Variants in ZBTB20 observed in about 807,000 individuals in gnomAD.
ZBTB20 encodes the protein zinc finger and BTB domain-containing protein 20.
Under a neutral mutation model 56.9 loss-of-function variants are expected in ZBTB20, and 9 were observed. The ratio of observed to expected loss-of-function variants is 0.16; its 90% confidence interval spans 0.10 to 0.28. The LOEUF (loss-of-function observed/expected upper bound fraction) is 0.28, where lower values mean the gene tolerates loss of function less well. ZBTB20 is among the 10% of genes least tolerant of loss of function. ZBTB20 has a pLI of 1.00. For missense variants in ZBTB20, 655 were observed against 1,003.0 expected, an observed-to-expected ratio of 0.65 and a Z score of 4.69; for synonymous variants, 417 against 420.7, an observed-to-expected ratio of 0.99 and a Z score of 0.11.
intron 6 of ZBTB20, among the ~76,000 whole-genome samples, chr3:114,504,405 A>G (rs1400846290): frequency 6.6e-6 from 1 of 152,190 alleles, no homozygotes; most frequent in African/African-American, 2.4e-5. Flanking sequence ...GGGAGTAGAA[A>G]AAGCCACAAA....
chr3:114,473,921 A>G (rs1015318466), intron 7 of ZBTB20, among the ~76,000 whole-genome samples: 3 of 152,220 alleles, frequency 2.0e-5, no homozygotes, highest in Admixed American at 1.3e-4. Flanking sequence ...TACATACCCA[A>G]GATTGGGAAG....
At chr3:114,421,494 G>A (rs542130321) in intron 7 of ZBTB20, among the ~76,000 whole-genome samples, 11 of 152,294 alleles carry the variant, frequency 7.2e-5, no homozygotes, top group Non-Finnish European at 1.5e-4. Flanking sequence ...TTTGTAAAGT[G>A]GAGAGAGATT....
At chr3:114,458,083 A>G (rs1390393159) in intron 7 of ZBTB20, among the ~76,000 whole-genome samples, 1 of 152,170 alleles carries the variant, frequency 6.6e-6, no homozygotes, top group Non-Finnish European at 1.5e-5. Context: ...ATGTCCCTGC[A>G]TGGTGCTGAA....
rs922349196 is a variant in ZBTB20 at position 114,325,364 on chromosome 3, C to G, written c.*13641G>C. The G allele has an allele frequency of 1.3e-5, 2 of 152,138 alleles. No individual in the cohort carries two copies. The highest frequency in any genetic ancestry group is 6.5e-5 in the Admixed American group (1 of 15,270). 9.4% of individuals were successfully genotyped at this position (152,138 alleles called of 1,614,324 possible). A position where few individuals can be genotyped will look rare whatever the true frequency, so the allele number is the denominator to read the frequency against. ...AAAGATTCCCCTAGTTGTGAACATG[C>G]ATAAAGCACTTTGAACTACAGGAAA... is the stretch of plus-strand genomic sequence containing the variant. On this transcript the variant is annotated 3_prime_UTR_variant, in exon 12 of 12. Coordinates refer to ENST00000675478, the MANE Select transcript of ZBTB20 (RefSeq NM_001348800.3).
chr3:114,726,641 G>A (rs1274227), intron 5 of ZBTB20, among the ~76,000 whole-genome samples: 145,579 of 152,046 alleles, frequency 0.96, 70,005 homozygotes, highest in East Asian at 1. Context: ...GGCCGGGCGC[G>A]GTGGCTCATG....
chr3:114,783,791 C>A (rs1470835509), intron 5 of ZBTB20, among the ~76,000 whole-genome samples: 812 of 130,816 alleles, frequency 6.2e-3, no homozygotes, highest in East Asian at 8.1e-3. Context: ...GACTCTGCCT[C>A]AAAAAAAAAA....
intron 6 of ZBTB20, among the ~76,000 whole-genome samples, chr3:114,544,955 G>A (rs1234677886): frequency 1.3e-5 from 2 of 152,198 alleles, no homozygotes; most frequent in African/African-American, 4.8e-5. Context: ...AGAAGAATGA[G>A]TACCTATTTC....
chr3:114,324,998 C>G lies in ZBTB20; in HGVS notation c.*14007G>C, dbSNP rs189445252. 6.6e-6 allele frequency: 1 copy of G among 152,206 alleles called. No individual in the cohort carries two copies. Among genetic ancestry groups the G allele is most frequent in the Non-Finnish European group, 1.5e-5 (1 of 67,994 alleles). 9.4% of individuals were successfully genotyped at this position (152,206 alleles called of 1,614,324 possible). A position where few individuals can be genotyped will look rare whatever the true frequency, so the allele number is the denominator to read the frequency against. ...AGTGGGGTCAGCACACTCAAATTAC[C>G]TTAAAATATCAAGTTACCATAGATT... On this transcript the variant is annotated 3_prime_UTR_variant, in exon 12 of 12. Transcript: ENST00000675478.
At chr3:114,660,144 T>C (rs762592360) in intron 6 of ZBTB20, among the ~76,000 whole-genome samples, 1 of 152,180 alleles carries the variant, frequency 6.6e-6, no homozygotes, top group Non-Finnish European at 1.5e-5. Flanking sequence ...CTCCAACTTA[T>C]AATGAATACC....
intron 2 of ZBTB20, among the ~76,000 whole-genome samples, chr3:114,975,614 A>T (rs2078066837): frequency 6.6e-6 from 1 of 152,176 alleles, no homozygotes; most frequent in African/African-American, 2.4e-5. Flanking sequence ...GTGCATCAGC[A>T]TTATTACAGT....
chr3:114,848,354 G>A (rs1333108526), intron 4 of ZBTB20, among the ~76,000 whole-genome samples: 1 of 152,138 alleles, frequency 6.6e-6, no homozygotes, highest in African/African-American at 2.4e-5. Context: ...TTAACAGTTG[G>A]TACTGCTAGA....
intron 5 of ZBTB20, among the ~76,000 whole-genome samples, chr3:114,730,814 C>T (rs2065681638): frequency 6.6e-6 from 1 of 152,132 alleles, no homozygotes; most frequent in Admixed American, 6.6e-5. Flanking sequence ...GTGCCTGTAT[C>T]AGTGCCTATA....
intron 10 of ZBTB20, among the ~76,000 whole-genome samples, chr3:114,353,499 G>A (rs2080897360): frequency 6.6e-6 from 1 of 152,172 alleles, no homozygotes; most frequent in African/African-American, 2.4e-5. Flanking sequence ...TCTGTTATGT[G>A]CCTAAAATAT....
chr3:114,385,605 A>G (rs1361993767), intron 8 of ZBTB20, among the ~76,000 whole-genome samples: 2 of 152,148 alleles, frequency 1.3e-5, no homozygotes, highest in Non-Finnish European at 2.9e-5. Context: ...GTGGTAGCTC[A>G]TGCCTGTAAT....
intron 4 of ZBTB20, among the ~76,000 whole-genome samples, chr3:114,805,723 T>C (rs2072053754): frequency 6.6e-6 from 1 of 151,900 alleles, no homozygotes; most frequent in African/African-American, 2.4e-5. Flanking sequence ...TTAGAATATT[T>C]TTGTCACCCT....
At chr3:114,479,503 CTACATATG>C (rs2041278480) in intron 7 of ZBTB20, among the ~76,000 whole-genome samples, 1 of 152,184 alleles carries the variant, frequency 6.6e-6, no homozygotes, top group African/African-American at 2.4e-5. Context: ...AAAGTCACGT[CTACATATG>C]TACACCGTTA....
intron 6 of ZBTB20, among the ~76,000 whole-genome samples, chr3:114,570,059 A>G (rs946589757): frequency 7.8e-6 from 1 of 128,332 alleles, no homozygotes; most frequent in African/African-American, 3.2e-5. Context: ...TCAATAGTAT[A>G]AAGGGTATTT....
chr3:114,513,159 T>C (rs575613972), intron 6 of ZBTB20, among the ~76,000 whole-genome samples: 10 of 152,322 alleles, frequency 6.6e-5, no homozygotes, highest in African/African-American at 2.2e-4. Flanking sequence ...AATGTATGTA[T>C]AGAGCAGCAA....
At chr3:114,962,824 C>T (rs986257224) in intron 3 of ZBTB20, among the ~76,000 whole-genome samples, 13 of 152,162 alleles carry the variant, frequency 8.5e-5, no homozygotes, top group African/African-American at 2.9e-4. Flanking sequence ...CTGTATTTCT[C>T]CCAAGTCCCT....
Sources: gnomAD v4.1 joint callset for allele counts (sites outside exome capture counted in the v4.1 genomes callset) on GRCh38, gnomAD v4.1.1 for gene constraint, MANE v1.5 for transcripts, NCBI Gene and HGNC (gene_info 2026-07-23, HGNC 2026-07-21) for gene names.